The following GOPC variants were observed in gnomAD, a reference collection of about 807,000 sequenced individuals.
GOPC encodes the protein golgi associated PDZ and coiled-coil motif containing, also known as Golgi-associated PDZ and coiled-coil motif-containing protein.
In GOPC, 32 loss-of-function variants were observed where a neutral mutation model predicts 51.2. The observed-to-expected ratio is 0.63, with a 90% CI of 0.47 to 0.84. The LOEUF (loss-of-function observed/expected upper bound fraction) is 0.84, where lower values mean the gene tolerates loss of function less well. Among genes scored for constraint, GOPC ranks in the 40% least tolerant of loss-of-function variants. The pLI, the probability that GOPC is intolerant of heterozygous loss-of-function variation, is 0.00. For synonymous variants in GOPC, 190 were observed against 205.1 expected, an observed-to-expected ratio of 0.93 and a Z score of 0.63; for missense variants, 441 against 555.5, an observed-to-expected ratio of 0.79 and a Z score of 2.07.
intron 3 of GOPC, among the ~76,000 whole-genome samples, chr6:117,575,848 A>C (rs747243175): frequency 2.2e-4 from 34 of 152,162 alleles, no homozygotes; most frequent in Admixed American, 1.8e-3. Context: ...ATTATTCCCT[A>C]TACCCCCTTT....
At position 117,575,348 on chromosome 6, in the gene GOPC, C is replaced by T; in HGVS notation, c.479G>A (p.Arg160Lys). 1 of 1,596,256 alleles carries T rather than the reference C, an allele frequency of 6.3e-7. No individual in the cohort carries two copies. The highest frequency in any genetic ancestry group is 8.5e-7 in the Non-Finnish European group (1 of 1,170,772). The change falls in exon 4 of 9, where the codon AGA (arginine) becomes AAA (lysine). Residue 160 changes from arginine (R) to lysine (K), a missense_variant. By Grantham distance (26) the Arg-to-Lys change is conservative. This residue lies in a region of GOPC where 204 missense variants were observed against 219.8 expected (regional missense o/e 0.93). Transcript: ENST00000368498. ...TTCTTTTTTGTTTGCCTCAAGCTCTCTTTCCTATGTAATTTTTAAAAGCAT... is the reference window on the plus strand; with the variant it reads ...TTCTTTTTTGTTTGCCTCAAGCTCTTTTTCCTATGTAATTTTTAAAAGCAT... ...LSGPSVEELE[R>K]ELEANKKEKM... is the part of the protein sequence containing the mutation.
At chr6:117,583,744 T>C (rs1779992910) in intron 1 of GOPC, among the ~76,000 whole-genome samples, 1 of 152,226 alleles carries the variant, frequency 6.6e-6, no homozygotes. Context: ...TTGACTGTAT[T>C]TTAAGGTATT....
chr6:117,572,529 A>C (rs1779821071), intron 5 of GOPC, among the ~76,000 whole-genome samples: 1 of 152,222 alleles, frequency 6.6e-6, no homozygotes, highest in South Asian at 2.1e-4. Context: ...GGTTAAAGTT[A>C]AAATTCCTCT....
intron 1 of GOPC, among the ~76,000 whole-genome samples, chr6:117,591,986 A>G (rs1780124812): frequency 6.6e-6 from 1 of 152,188 alleles, no homozygotes; most frequent in Non-Finnish European, 1.5e-5. Flanking sequence ...ATCTTATCTC[A>G]TTATCTTTCC....
At chr6:117,596,911 A>G (rs1393217961) in intron 1 of GOPC, among the ~76,000 whole-genome samples, 2 of 151,956 alleles carry the variant, frequency 1.3e-5, no homozygotes, top group East Asian at 1.9e-4. Context: ...TGTTTTTTCT[A>G]GTTCTGTGAA....
At chr6:117,571,335 T>C (rs1188372367) in intron 5 of GOPC, among the ~76,000 whole-genome samples, 1 of 152,180 alleles carries the variant, frequency 6.6e-6, no homozygotes, top group Non-Finnish European at 1.5e-5. Context: ...GTTGTAGAGT[T>C]GAAAAACAAA....
At chr6:117,593,193 G>A (rs1256606083) in intron 1 of GOPC, among the ~76,000 whole-genome samples, 2 of 151,718 alleles carry the variant, frequency 1.3e-5, no homozygotes, top group African/African-American at 4.8e-5. Flanking sequence ...TCTTCTACTA[G>A]CCTCATGCTC....
chr6:117,590,871 GAGA>G (rs771494210), intron 1 of GOPC, among the ~76,000 whole-genome samples: 1 of 140,494 alleles, frequency 7.1e-6, no homozygotes, highest in African/African-American at 2.6e-5. Flanking sequence ...TTTGTTTTTT[GAGA>G]AGGAGTCTCA....
rs370541359 is a variant in GOPC at position 117,596,506 on chromosome 6, A to G, written c.285+5498T>C. Among the ~76,000 whole-genome samples, 25 of 152,288 alleles carry G rather than the reference A, an allele frequency of 1.6e-4. 1 individual carries two copies. The highest frequency in any genetic ancestry group is 1.3e-3 in the East Asian group (7 of 5,186). The stretch of plus-strand genomic sequence containing the variant: ...AAGGGTTTTTCCAATGTTATCTTCT[A>G]GAATTTTTATGGTTTCAGGTCTTAG... On this transcript the variant is annotated intron_variant, in intron 1 of 8. Transcript: ENST00000368498.
Position 117,560,315 on chromosome 6 carries a change from T to TATC in GOPC, c.*2936_*2938dup, listed in dbSNP as rs1228331009. The TATC allele has an allele frequency of 1.1e-5, 2 of 177,458 alleles. No individual in the cohort carries two copies. Among genetic ancestry groups the TATC allele is most frequent in the Non-Finnish European group, 2.4e-5 (2 of 82,316 alleles). The allele number at this position is 177,458 out of a possible 1,614,324, so 11.0% of individuals were successfully genotyped here. ...TGTTTATTTAAAAAAATGAGATCAATATCATTTTAATGTAGAAGATGCCAT... is the reference window on the plus strand; with the variant it reads ...TGTTTATTTAAAAAAATGAGATCAATATCATCATTTTAATGTAGAAGATGCCAT... On this transcript the variant is annotated 3_prime_UTR_variant, in exon 9 of 9. Transcript: ENST00000368498.
intron 8 of GOPC, 56 bp from the exon 9 acceptor site, chr6:117,563,440 G>GTTTATT: frequency 6.3e-7 from 1 of 1,579,126 alleles, no homozygotes; most frequent in Non-Finnish European, 8.6e-7. Context: ...AGTTGGTTTT[G>GTTTATT]GTCAGGTGCA....
intron 1 of GOPC, among the ~76,000 whole-genome samples, chr6:117,595,403 G>GT (rs1333468561): frequency 1.9e-4 from 29 of 152,052 alleles, no homozygotes; most frequent in Non-Finnish European, 2.4e-4. Flanking sequence ...GTTTTGTTTT[G>GT]TTTTTTCAAT....
chr6:117,602,249 C>G lies in GOPC; in HGVS notation c.40G>C (p.Gly14Arg), dbSNP rs1472749626. 6.2e-7 allele frequency: 1 copy of G among 1,600,104 alleles called. No individual in the cohort carries two copies. The highest frequency in any genetic ancestry group is 8.5e-7 in the Non-Finnish European group (1 of 1,179,312). Residue 14 changes from glycine to arginine, a missense_variant, in exon 1 of 9, where the codon GGC (glycine) becomes CGC (arginine). By Grantham distance (125) the Gly-to-Arg change is moderately radical (BLOSUM62 -2). Transcript: ENST00000368498. ...GGPCPAAAGG[G>R]PGGASCSVGA... ...ACGGAGCAGGAGGCGCCCCCTGGGC[C>G]CCCTCCGGCTGCTGCTGGGCATGGA...
intron 8 of GOPC, among the ~76,000 whole-genome samples, chr6:117,564,046 C>T (rs556083919): frequency 3.3e-4 from 49 of 150,718 alleles, no homozygotes; most frequent in Non-Finnish European, 5.3e-4. Context: ...GGCATGATTA[C>T]GGCTCACTGC....
At chr6:117,564,995 T>C (rs928325582) in intron 8 of GOPC, among the ~76,000 whole-genome samples, 1 of 152,166 alleles carries the variant, frequency 6.6e-6, no homozygotes, top group Non-Finnish European at 1.5e-5. Flanking sequence ...TACTAAGCAT[T>C]GAGGACTCCA....
chr6:117,579,540 T>G lies in GOPC; in HGVS notation c.286-476A>C, dbSNP rs544744858. On this transcript the variant is annotated intron_variant, in intron 1 of 8. Coordinates refer to ENST00000368498, the MANE Select transcript of GOPC (RefSeq NM_020399.4). ...CATCCCAATCATTATCTAGTAAAGTTATTTTAGGTGCTAAGGTATCAACTT... is the reference window on the plus strand; with the variant it reads ...CATCCCAATCATTATCTAGTAAAGTGATTTTAGGTGCTAAGGTATCAACTT... Among the ~76,000 whole-genome samples, 168 of 152,174 alleles carry G rather than the reference T, an allele frequency of 1.1e-3. 2 individuals carry two copies. In the East Asian group the frequency reaches 0.027, roughly 24 times the overall value.
intron 7 of GOPC, among the ~76,000 whole-genome samples, chr6:117,568,164 C>T (rs912758098): frequency 4.6e-5 from 7 of 151,968 alleles, no homozygotes; most frequent in Non-Finnish European, 1.0e-4. Context: ...TGTGCCACTG[C>T]ACTCCAGCCT....
intron 1 of GOPC, among the ~76,000 whole-genome samples, chr6:117,592,532 C>A (rs372553024): frequency 4.6e-5 from 7 of 152,152 alleles, no homozygotes; most frequent in Non-Finnish European, 7.3e-5. Flanking sequence ...TCACTGGCAT[C>A]CCTTGGCTTG....
Position 117,573,577 on chromosome 6 carries a change from G to A in GOPC, c.706C>T (p.Leu236Phe). ...ATTTCAGCTTCTAATTGGTTCCAAA[G>A]CTTATCATGAGCAGGTCCCTTCATA... ...RDMKGPAHDK[L>F]WNQLEAEIHL... Residue 236 changes from leucine to phenylalanine, a missense_variant, in exon 5 of 9, where the codon CTT becomes TTT. Leu to Phe is a conservative substitution (Grantham distance 22). Coordinates refer to ENST00000368498, the MANE Select transcript of GOPC (RefSeq NM_020399.4). The A allele has an allele frequency of 1.2e-6, 2 of 1,613,972 alleles. No individual in the cohort carries two copies. The highest frequency in any genetic ancestry group is 1.7e-6 in the Non-Finnish European group (2 of 1,179,926).
Sources: allele counts gnomAD v4.1 joint callset (sites outside exome capture counted in the v4.1 genomes callset), GRCh38; gene constraint gnomAD v4.1.1; regional missense constraint gnomAD v4.1.1; transcripts MANE v1.5; gene names NCBI Gene and HGNC (gene_info 2026-07-23, HGNC 2026-07-21).